ERBB4: variants seen among roughly 807,000 people sequenced by gnomAD.
The protein encoded by ERBB4 is erb-b2 receptor tyrosine kinase 4.
A neutral mutation model predicts 158.0 loss-of-function variants in ERBB4; 42 were observed. That is an observed-to-expected ratio of 0.27 (90% CI 0.21 to 0.34). The LOEUF (loss-of-function observed/expected upper bound fraction) is 0.34. Ranked by LOEUF, ERBB4 falls within the 10% of genes least tolerant of loss-of-function variation. ERBB4 has a pLI of 1.00. For missense variants in ERBB4, 1,333 were observed against 1,624.1 expected (o/e 0.82, Z 3.08); for synonymous variants, 583 against 558.7 (o/e 1.04, Z -0.61).
chr2:211,897,122 A>T, intron 3 of ERBB4, among the ~76,000 whole-genome samples: 1 of 151,096 alleles, frequency 6.6e-6, no homozygotes, highest in South Asian at 2.1e-4. Flanking sequence ...TTATATTATG[A>T]AAAATATAAG....
intron 1 of ERBB4, among the ~76,000 whole-genome samples, chr2:212,498,696 C>T (rs1352552856): frequency 6.6e-6 from 1 of 151,952 alleles, no homozygotes; most frequent in Non-Finnish European, 1.5e-5. Context: ...TTGGGAAATA[C>T]ATCAGGATAT....
chr2:211,656,472 G>C (rs1281567314), intron 16 of ERBB4, among the ~76,000 whole-genome samples: 1 of 152,134 alleles, frequency 6.6e-6, no homozygotes, highest in African/African-American at 2.4e-5. Context: ...TATTTTATGA[G>C]ATATTTTAAA....
At chr2:211,795,895 A>G (rs1030298478) in intron 3 of ERBB4, among the ~76,000 whole-genome samples, 3 of 151,926 alleles carry the variant, frequency 2.0e-5, no homozygotes, top group Non-Finnish European at 4.4e-5. Flanking sequence ...GAAAGTGGTA[A>G]TAGATATTGG....
At chr2:212,013,069 T>C (rs937224574) in intron 2 of ERBB4, among the ~76,000 whole-genome samples, 1 of 151,616 alleles carries the variant, frequency 6.6e-6, no homozygotes, top group African/African-American at 2.4e-5. Flanking sequence ...TTTTTTTTTT[T>C]TTTTTGAGAC....
In ERBB4 at chr2:212,456,469, G is replaced by T. The variant is rs1688293225; in HGVS notation, c.82+81980C>A. Reference sequence around the variant, plus strand: ...CTGTAAGAGATGATTAATTATTACAGAATTATATTCTCAACTGATTGTTCT... The same window carrying T: ...CTGTAAGAGATGATTAATTATTACATAATTATATTCTCAACTGATTGTTCT... On this transcript the variant is annotated intron_variant, in intron 1 of 27. Transcript: ENST00000342788. 2.0e-5 allele frequency among the ~76,000 whole-genome samples: 3 copies of T among 151,762 alleles called. No homozygotes were observed. The South Asian group carries it at 6.2e-4, about 32-fold the overall frequency.
Position 212,447,042 on chromosome 2 carries a change from G to A in ERBB4, c.82+91407C>T, listed in dbSNP as rs912215730. Among the ~76,000 whole-genome samples, 6 of 150,196 alleles carry A rather than the reference G, an allele frequency of 4.0e-5. 1 individual carries two copies. In the South Asian group the frequency reaches 1.1e-3, roughly 26 times the overall value. ...GACGGAGTCTCGCTGTGTCACCTAG[G>A]CTAGAGTGCAGTGGCGCAATCTCAG... On this transcript the variant is annotated intron_variant, in intron 1 of 27. Transcript: ENST00000342788.
intron 1 of ERBB4, among the ~76,000 whole-genome samples, chr2:212,340,803 C>A (rs2088673321): frequency 1.3e-5 from 2 of 152,230 alleles, no homozygotes; most frequent in South Asian, 2.1e-4. Flanking sequence ...GGGTTGAGGA[C>A]CCCTGTTCTA....
intron 2 of ERBB4, among the ~76,000 whole-genome samples, chr2:212,044,472 G>T (rs550283336): frequency 2.0e-5 from 3 of 151,956 alleles, no homozygotes; most frequent in Admixed American, 2.0e-4. Flanking sequence ...AACAGATTTC[G>T]TATCAGAGTT....
intron 3 of ERBB4, among the ~76,000 whole-genome samples, chr2:211,826,528 C>A (rs2077103383): frequency 6.6e-6 from 1 of 151,722 alleles, no homozygotes; most frequent in African/African-American, 2.4e-5. Flanking sequence ...ACTATCTCCC[C>A]AAACTAAAAT....
At chr2:212,457,470 T>C (rs1004962900) in intron 1 of ERBB4, among the ~76,000 whole-genome samples, 1 of 152,036 alleles carries the variant, frequency 6.6e-6, no homozygotes, top group Non-Finnish European at 1.5e-5. Context: ...CAGAAATGGA[T>C]AACCCCCAAG....
intron 2 of ERBB4, among the ~76,000 whole-genome samples, chr2:212,113,049 G>A (rs1308436491): frequency 6.6e-6 from 1 of 152,122 alleles, no homozygotes; most frequent in African/African-American, 2.4e-5. Context: ...AGGTACTTAG[G>A]ACTATGGAGA....
intron 19 of ERBB4, among the ~76,000 whole-genome samples, chr2:211,569,280 T>C (rs1574771084): frequency 6.6e-6 from 1 of 152,330 alleles, no homozygotes; most frequent in East Asian, 1.9e-4. Flanking sequence ...CCCTCTTTTT[T>C]CTTCCACTCC....
intron 1 of ERBB4, among the ~76,000 whole-genome samples, chr2:212,277,482 A>G (rs1216343384): frequency 6.6e-6 from 1 of 151,682 alleles, no homozygotes; most frequent in Non-Finnish European, 1.5e-5. Flanking sequence ...CATTTTATTC[A>G]TCATTTCATT....
intron 3 of ERBB4, among the ~76,000 whole-genome samples, chr2:211,944,920 G>A (rs12997949): frequency 0.038 from 5,844 of 152,130 alleles, 154 homozygotes; most frequent in East Asian, 0.11. Context: ...TGAGGTATCC[G>A]ACTAATCAGC....
chr2:211,492,999 T>C (rs1370822230), intron 20 of ERBB4, among the ~76,000 whole-genome samples: 1 of 152,122 alleles, frequency 6.6e-6, no homozygotes, highest in East Asian at 1.9e-4. Context: ...AAATTAACAA[T>C]TGGCACTCAG....
intron 2 of ERBB4, among the ~76,000 whole-genome samples, chr2:211,980,120 A>G (rs2081747688): frequency 6.6e-6 from 1 of 152,176 alleles, no homozygotes; most frequent in African/African-American, 2.4e-5. Context: ...ATTATTTGGA[A>G]AGAGTATTCT....
At chr2:211,553,393 T>C (rs2067156114) in intron 20 of ERBB4, among the ~76,000 whole-genome samples, 1 of 152,134 alleles carries the variant, frequency 6.6e-6, no homozygotes. Context: ...GCAAAAAATA[T>C]TGAATATTAA....
At chr2:212,234,493 T>C (rs1456281427) in intron 1 of ERBB4, among the ~76,000 whole-genome samples, 1 of 152,236 alleles carries the variant, frequency 6.6e-6, no homozygotes, top group Non-Finnish European at 1.5e-5. Context: ...TTTGGGTATA[T>C]GCCCAGTAAT....
intron 15 of ERBB4, 101 bp downstream of exon 15, chr2:211,665,222 A>T (rs1182949515): frequency 8.7e-7 from 1 of 1,153,784 alleles, no homozygotes; most frequent in Non-Finnish European, 1.3e-6. Context: ...GGATTAGTAG[A>T]GTTCTATGAG....
Sources: gnomAD v4.1 joint callset for allele counts (sites outside exome capture counted in the v4.1 genomes callset) on GRCh38, gnomAD v4.1.1 for gene constraint, MANE v1.5 for transcripts, NCBI Gene and HGNC (gene_info 2026-07-23, HGNC 2026-07-21) for gene names.